LRP6: variants seen among roughly 807,000 people sequenced by gnomAD.
LRP6 encodes LDL receptor related protein 6, also known as low-density lipoprotein receptor-related protein 6.
Under a neutral mutation model 184.1 loss-of-function variants are expected in LRP6, and 43 were observed. That is an observed-to-expected ratio of 0.23 (90% CI 0.18 to 0.30). The LOEUF (loss-of-function observed/expected upper bound fraction) is 0.30. LRP6 is among the 10% of genes least tolerant of loss of function. LRP6 has a pLI of 1.00. For synonymous variants in LRP6, 719 were observed against 684.9 expected (o/e 1.05, Z -0.78); for missense variants, 1,571 against 2,005.3 (o/e 0.78, Z 4.14).
At chr12:12,260,610 G>C in intron 1 of LRP6, among the ~76,000 whole-genome samples, 1 of 151,896 alleles carries the variant, frequency 6.6e-6, no homozygotes. Flanking sequence ...CTTTTAATTC[G>C]GCCATCTTAA....
chr12:12,252,181 AACTAAAATCTTTT>A (rs1180739935), intron 1 of LRP6, among the ~76,000 whole-genome samples: 1 of 152,172 alleles, frequency 6.6e-6, no homozygotes, highest in Non-Finnish European at 1.5e-5. Context: ...CACCGCACTG[AACTAAAATCTTTT>A]TTTTTTTCCG....
chr12:12,128,193 C>A (rs952832806), intron 19 of LRP6, among the ~76,000 whole-genome samples: 1 of 152,150 alleles, frequency 6.6e-6, no homozygotes, highest in Non-Finnish European at 1.5e-5. Flanking sequence ...ATTTCACTAA[C>A]CTCTTTACAC....
chr12:12,204,698 G>C (rs1465570277), intron 2 of LRP6, among the ~76,000 whole-genome samples: 1 of 151,906 alleles, frequency 6.6e-6, no homozygotes, highest in Non-Finnish European at 1.5e-5. Context: ...CGAGGCACCT[G>C]TAATCCCAGC....
intron 2 of LRP6, among the ~76,000 whole-genome samples, chr12:12,239,226 G>A (rs1864998497): frequency 6.6e-6 from 1 of 152,184 alleles, no homozygotes; most frequent in Non-Finnish European, 1.5e-5. Flanking sequence ...CACAGGGACA[G>A]TGCTTTAAAG....
chr12:12,147,069 G>T (rs561980206), intron 15 of LRP6, among the ~76,000 whole-genome samples: 1 of 152,058 alleles, frequency 6.6e-6, no homozygotes, highest in East Asian at 1.9e-4. Context: ...GGAGAATGGC[G>T]TGAACCCGGG....
Position 12,217,297 on chromosome 12 carries a change from A to G in LRP6, c.450-13897T>C, listed in dbSNP as rs1591956758. On this transcript the variant is annotated intron_variant, in intron 2 of 22. Coordinates refer to ENST00000261349, the MANE Select transcript of LRP6 (RefSeq NM_002336.3). ...AAGGGATCTAGGTTGCGTGCTCCTTATTAGAATCTAATGCCTTATGATCTG... is the reference window on the plus strand; with the variant it reads ...AAGGGATCTAGGTTGCGTGCTCCTTGTTAGAATCTAATGCCTTATGATCTG... 2.6e-5 allele frequency among the ~76,000 whole-genome samples: 4 copies of G among 152,192 alleles called. No homozygotes were observed. In the Middle Eastern group the frequency reaches 0.014, roughly 518 times the overall value.
intron 2 of LRP6, among the ~76,000 whole-genome samples, chr12:12,204,017 T>A (rs749213288): frequency 9.9e-5 from 15 of 152,110 alleles, no homozygotes; most frequent in Non-Finnish European, 2.9e-5. Context: ...AGTGATAACT[T>A]TAGAGAAAAT....
intron 7 of LRP6, among the ~76,000 whole-genome samples, chr12:12,176,460 AGC>A (rs1863185862): frequency 1.3e-5 from 2 of 152,336 alleles, no homozygotes; most frequent in Middle Eastern, 3.4e-3. Flanking sequence ...TGACATCATT[AGC>A]AATGCCCTAC....
rs1865780011 is a variant in LRP6 at position 12,266,803 on chromosome 12, G to A, written c.-68C>T. 1.5e-6 allele frequency: 2 copies of A among 1,352,312 alleles called. No homozygotes were observed. The highest frequency in any genetic ancestry group is 3.7e-5 in the Admixed American group (2 of 54,460). 83.8% of individuals were successfully genotyped at this position (1,352,312 alleles called of 1,614,324 possible). On this transcript the variant is annotated 5_prime_UTR_variant, in exon 1 of 23. Transcript: ENST00000261349. The stretch of plus-strand genomic sequence containing the variant: ...CAGAAGTGGGGGAGGCGAGGAGCCG[G>A]GGCGGCCGCCGCAGCGGCAGGGCTG...
Position 12,131,940 on chromosome 12 carries a change from T to A in LRP6, c.3851A>T (p.Asn1284Ile). ...CTGGGACTCTGAGCATACAGGACAA[T>A]TGAGTTCATCACTGTGGTCTTCACA... The part of the protein sequence containing the change: ...TECEDHSDEL[N>I]CPVCSESQFQ... The change falls in exon 18 of 23, where the codon AAT (asparagine) becomes ATT (isoleucine). Residue 1284 changes from asparagine (N) to isoleucine (I), a missense_variant. By Grantham distance (149) the Asn-to-Ile change is moderately radical (BLOSUM62 -3). Transcript: ENST00000261349. 1 of 1,614,158 alleles carries A rather than the reference T, an allele frequency of 6.2e-7. No homozygotes were observed. The highest frequency in any genetic ancestry group is 8.5e-7 in the Non-Finnish European group (1 of 1,180,024).
intron 20 of LRP6, among the ~76,000 whole-genome samples, chr12:12,126,341 T>C (rs374301546): frequency 2.6e-5 from 4 of 152,344 alleles, no homozygotes; most frequent in East Asian, 3.9e-4. Context: ...ATGGGCTCCA[T>C]AGTACTAGAG....
chr12:12,230,249 C>T lies in LRP6; in HGVS notation c.449+14013G>A, dbSNP rs144964419. ...CTGATAATAAGACTAGACACACAAG[C>T]CATTTTATACAAATTTACTTTATAC... On this transcript the variant is annotated intron_variant, in intron 2 of 22. Transcript: ENST00000261349. 2.9e-3 allele frequency among the ~76,000 whole-genome samples: 445 copies of T among 152,240 alleles called. 1 individual carries two copies. The highest frequency in any genetic ancestry group is 4.6e-3 in the Non-Finnish European group (313 of 68,006).
chr12:12,262,045 C>G (rs960248129), intron 1 of LRP6, among the ~76,000 whole-genome samples: 3 of 151,928 alleles, frequency 2.0e-5, no homozygotes, highest in African/African-American at 4.8e-5. Context: ...GAGTTCGAGA[C>G]CAGCCTGACC....
chr12:12,130,795 C>T lies in LRP6; in HGVS notation c.4069G>A (p.Glu1357Lys). Residue 1357 changes from glutamate (E) to lysine (K), a missense_variant, in exon 19 of 23, where the codon GAA (glutamate) becomes AAA (lysine). Coordinates refer to ENST00000261349, the MANE Select transcript of LRP6 (RefSeq NM_002336.3). Reference sequence around the variant, plus strand: ...CAGTCCTACTTACAACAATCCAGTTCATCTGACTTGTCACTGCAATCCACA... The same window carrying T: ...CAGTCCTACTTACAACAATCCAGTTTATCTGACTTGTCACTGCAATCCACA... ...HNVDCSDKSDELDCYPTEEPA... is the reference protein window; with the variant it reads ...HNVDCSDKSDKLDCYPTEEPA... The T allele has an allele frequency of 6.2e-7, 1 of 1,606,654 alleles. No homozygotes were observed. Among genetic ancestry groups the T allele is most frequent in the Non-Finnish European group, 8.5e-7 (1 of 1,173,246 alleles).
chr12:12,179,730 T>C, intron 7 of LRP6, 80 bp downstream of exon 7: 2 of 1,472,738 alleles, frequency 1.4e-6, no homozygotes, highest in Non-Finnish European at 1.9e-6. Flanking sequence ...GAAAAAAGAA[T>C]ATCTGTACTC....
At position 12,118,872 on chromosome 12, in the gene LRP6, T is replaced by C. The variant is rs1040437695; in HGVS notation, c.*2254A>G. On this transcript the variant is annotated 3_prime_UTR_variant, in exon 23 of 23. Coordinates refer to ENST00000261349, the MANE Select transcript of LRP6 (RefSeq NM_002336.3). ...GGACTGAGATCCAACAAGGCAATAT[T>C]CTTCTTAGTTAATTAGAGTGCAAGT... The C allele has an allele frequency of 1.3e-5, 2 of 152,244 alleles. No homozygotes were observed. The highest frequency in any genetic ancestry group is 2.4e-5 in the African/African-American group (1 of 41,454). The allele number at this position is 152,244 out of a possible 1,614,324, so 9.4% of individuals were successfully genotyped here.
At chr12:12,192,223 A>G (rs967116493) in intron 3 of LRP6, among the ~76,000 whole-genome samples, 2 of 152,014 alleles carry the variant, frequency 1.3e-5, no homozygotes, top group African/African-American at 4.8e-5. Flanking sequence ...TATTACCACA[A>G]AGTAGATTTT....
At chr12:12,209,210 T>C (rs754828866) in intron 2 of LRP6, among the ~76,000 whole-genome samples, 9 of 152,256 alleles carry the variant, frequency 5.9e-5, no homozygotes, top group Non-Finnish European at 1.3e-4. Context: ...ATTGTCTTTC[T>C]TGTACAATAT....
At chr12:12,175,205 A>G (rs1863140608) in intron 7 of LRP6, among the ~76,000 whole-genome samples, 1 of 152,202 alleles carries the variant, frequency 6.6e-6, no homozygotes, top group African/African-American at 2.4e-5. Context: ...CCTGGCCAAC[A>G]TGGAGAAATC....
Sources: gnomAD v4.1 joint callset for allele counts (sites outside exome capture counted in the v4.1 genomes callset) on GRCh38, gnomAD v4.1.1 for gene constraint, MANE v1.5 for transcripts, NCBI Gene and HGNC (gene_info 2026-07-23, HGNC 2026-07-21) for gene names.